UBTD2: variants seen among roughly 807,000 people sequenced by gnomAD.
The protein encoded by UBTD2 is ubiquitin domain containing 2, also known as ubiquitin domain-containing protein 2.
In UBTD2, 9 loss-of-function variants were observed where a neutral mutation model predicts 19.8. The observed-to-expected ratio is 0.46, with a 90% CI of 0.27 to 0.79. The LOEUF (loss-of-function observed/expected upper bound fraction) is 0.79. Ranked by LOEUF, UBTD2 falls within the 30% of genes least tolerant of loss-of-function variation. The pLI is 0.14. For missense variants in UBTD2, 250 were observed against 300.4 expected (o/e 0.83, Z 1.24); for synonymous variants, 98 against 103.9 (o/e 0.94, Z 0.35).
chr5:172,235,538 C>T (rs1771991043), intron 1 of UBTD2, among the ~76,000 whole-genome samples: 1 of 130,382 alleles, frequency 7.7e-6, no homozygotes, highest in South Asian at 2.7e-4. Context: ...TAGCTCCGAA[C>T]CACAAGGAGC....
chr5:172,219,443 G>A (rs1771610152), intron 2 of UBTD2, among the ~76,000 whole-genome samples: 1 of 152,130 alleles, frequency 6.6e-6, no homozygotes, highest in Non-Finnish European at 1.5e-5. Context: ...TCTGGCCTGG[G>A]ACATGAATCA....
chr5:172,257,246 C>G (rs927546223), intron 1 of UBTD2, among the ~76,000 whole-genome samples: 3 of 152,194 alleles, frequency 2.0e-5, no homozygotes, highest in Non-Finnish European at 4.4e-5. Flanking sequence ...ATTTGCTTTT[C>G]TGTTTCTGTG....
intron 2 of UBTD2, among the ~76,000 whole-genome samples, chr5:172,223,525 G>A (rs1771693464): frequency 1.4e-5 from 2 of 145,262 alleles, no homozygotes; most frequent in Non-Finnish European, 3.0e-5. Context: ...CTTGAACCCG[G>A]GAGGCAGAGG....
At chr5:172,233,046 C>T (rs961233782) in intron 2 of UBTD2, among the ~76,000 whole-genome samples, 6 of 152,046 alleles carry the variant, frequency 3.9e-5, no homozygotes, top group East Asian at 3.8e-4. Context: ...ACCTAGGAGG[C>T]GGAGGTTGCA....
intron 1 of UBTD2, among the ~76,000 whole-genome samples, chr5:172,269,431 C>G (rs1387916693): frequency 6.7e-6 from 1 of 148,556 alleles, no homozygotes; most frequent in Non-Finnish European, 1.5e-5. Flanking sequence ...GCGGAGGTTG[C>G]AGTGAGCCGA....
chr5:172,279,172 T>G (rs1444661965), intron 1 of UBTD2, among the ~76,000 whole-genome samples: 2 of 152,262 alleles, frequency 1.3e-5, no homozygotes, highest in African/African-American at 4.8e-5. Context: ...CTGCCAGTTA[T>G]AAGCTATGTG....
intron 1 of UBTD2, among the ~76,000 whole-genome samples, chr5:172,280,684 T>G (rs13156725): frequency 0.074 from 11,265 of 152,180 alleles, 450 homozygotes; most frequent in South Asian, 0.12. Flanking sequence ...AGTTTTTTTA[T>G]TTGAAAAAAG....
At chr5:172,262,487 G>A (rs1755290918) in intron 1 of UBTD2, among the ~76,000 whole-genome samples, 1 of 135,688 alleles carries the variant, frequency 7.4e-6, no homozygotes, top group African/African-American at 2.8e-5. Context: ...TGTATATGAA[G>A]ATTCTTCAAA....
chr5:172,268,038 A>G (rs1755410522), intron 1 of UBTD2, among the ~76,000 whole-genome samples: 1 of 152,256 alleles, frequency 6.6e-6, no homozygotes. Context: ...ATGCCATTAT[A>G]AAGTCAAAGA....
chr5:172,232,319 A>T (rs1162465003), intron 2 of UBTD2, among the ~76,000 whole-genome samples: 4 of 68,106 alleles, frequency 5.9e-5, no homozygotes, highest in East Asian at 1.1e-3. Flanking sequence ...ACTGTCATAA[A>T]AAAAAAAAAA....
At chr5:172,264,872 T>C (rs1755342715) in intron 1 of UBTD2, among the ~76,000 whole-genome samples, 1 of 151,784 alleles carries the variant, frequency 6.6e-6, no homozygotes, top group Non-Finnish European at 1.5e-5. Context: ...GGGGACCCCA[T>C]CTCAAAAAAA....
At chr5:172,226,011 C>T (rs778052802) in intron 2 of UBTD2, among the ~76,000 whole-genome samples, 7 of 146,146 alleles carry the variant, frequency 4.8e-5, no homozygotes, top group Admixed American at 2.8e-4. Flanking sequence ...AATCTCAGCT[C>T]ACTGCAACCT....
intron 1 of UBTD2, among the ~76,000 whole-genome samples, chr5:172,257,565 C>T (rs1334057728): frequency 6.6e-6 from 1 of 152,246 alleles, no homozygotes; most frequent in African/African-American, 2.4e-5. Context: ...CTCCAAACTG[C>T]TTCCCATAGA....
In UBTD2 at chr5:172,234,040, A is replaced by G. The variant is rs922855909; in HGVS notation, c.307+82T>C. 2.8e-6 allele frequency: 4 copies of G among 1,431,382 alleles called. No homozygotes were observed. In the African/African-American group the frequency reaches 5.7e-5, roughly 20 times the overall value. The allele number at this position is 1,431,382 out of a possible 1,614,324, so 88.7% of individuals were successfully genotyped here. On this transcript the variant is annotated intron_variant, in intron 2 of 2. Transcript: ENST00000393792. ...AAGTTAGAATAATTCATAGCAAGGAAAAACACTCTCCCATTTGGTTTCTTG... is the reference window on the plus strand; with the variant it reads ...AAGTTAGAATAATTCATAGCAAGGAGAAACACTCTCCCATTTGGTTTCTTG...
chr5:172,277,925 AATGG>A (rs1755640728), intron 1 of UBTD2, among the ~76,000 whole-genome samples: 1 of 152,144 alleles, frequency 6.6e-6, no homozygotes, highest in Non-Finnish European at 1.5e-5. Context: ...AAGATATATA[AATGG>A]ACATGAAAAC....
intron 1 of UBTD2, among the ~76,000 whole-genome samples, chr5:172,272,421 A>AT (rs1209321998): frequency 6.6e-6 from 1 of 152,200 alleles, no homozygotes; most frequent in Non-Finnish European, 1.5e-5. Flanking sequence ...GATGCGAGGG[A>AT]TGAGGGGCAT....
At chr5:172,220,957 C>T (rs182760909) in intron 2 of UBTD2, among the ~76,000 whole-genome samples, 2 of 152,312 alleles carry the variant, frequency 1.3e-5, no homozygotes, top group East Asian at 3.9e-4. Context: ...AAGTCAACTG[C>T]TCTCCTATAC....
chr5:172,254,331 C>T (rs570470979), intron 1 of UBTD2: 2 of 211,774 alleles, frequency 9.4e-6, no homozygotes, highest in Non-Finnish European at 1.9e-5. Flanking sequence ...AACTCCTGAC[C>T]TCTGATCCGC....
intron 2 of UBTD2, among the ~76,000 whole-genome samples, chr5:172,233,468 T>G (rs1043338873): frequency 6.6e-6 from 1 of 152,148 alleles, no homozygotes; most frequent in Non-Finnish European, 1.5e-5. Flanking sequence ...AACAAGAGTA[T>G]GTACATGGAC....
Sources: gnomAD v4.1 joint callset for allele counts (sites outside exome capture counted in the v4.1 genomes callset) on GRCh38, gnomAD v4.1.1 for gene constraint, MANE v1.5 for transcripts, NCBI Gene and HGNC (gene_info 2026-07-23, HGNC 2026-07-21) for gene names.